HERC4: variants seen among roughly 807,000 people sequenced by gnomAD.
The protein encoded by HERC4 is HECT and RLD domain containing E3 ubiquitin protein ligase 4, also known as probable E3 ubiquitin-protein ligase HERC4.
In HERC4, 28 loss-of-function variants were observed where a neutral mutation model predicts 124.3. That is an observed-to-expected ratio of 0.23 (90% CI 0.17 to 0.31). The LOEUF is 0.31. Among genes scored for constraint, HERC4 ranks in the 10% least tolerant of loss-of-function variants. The pLI, the probability that HERC4 is intolerant of heterozygous loss-of-function variation, is 1.00. For synonymous variants in HERC4, 407 were observed against 421.5 expected, an observed-to-expected ratio of 0.97 and a Z score of 0.42; for missense variants, 713 against 1,229.3, an observed-to-expected ratio of 0.58 and a Z score of 6.28.
At chr10:68,044,263 A>G in intron 4 of HERC4, 141 bp downstream of exon 4, 2 of 685,528 alleles carry the variant, frequency 2.9e-6, no homozygotes, top group South Asian at 2.6e-5. Context: ...ATAAGCAAGA[A>G]CCAAACTCTT....
At chr10:67,998,795 A>G (rs2037056349) in intron 9 of HERC4, among the ~76,000 whole-genome samples, 1 of 151,920 alleles carries the variant, frequency 6.6e-6, no homozygotes, top group Non-Finnish European at 1.5e-5. Context: ...CTTAAGTGCA[A>G]TGGTGCAATC....
chr10:67,993,242 G>A (rs992901259), intron 9 of HERC4: 3 of 152,324 alleles, frequency 2.0e-5, no homozygotes, highest in African/African-American at 4.8e-5. Context: ...CTACTTGGGA[G>A]GCTGAGACAG....
At chr10:68,006,501 AG>A (rs2037573693) in intron 9 of HERC4, among the ~76,000 whole-genome samples, 1 of 151,368 alleles carries the variant, frequency 6.6e-6, no homozygotes, top group Non-Finnish European at 1.5e-5. Flanking sequence ...CCTCCTGAGT[AG>A]CTGGGATTAC....
At chr10:67,979,163 G>A (rs2035779984) in intron 15 of HERC4, among the ~76,000 whole-genome samples, 1 of 151,886 alleles carries the variant, frequency 6.6e-6, no homozygotes, top group African/African-American at 2.4e-5. Flanking sequence ...GACAAATCTT[G>A]GAGAAAAAGA....
At chr10:68,037,662 G>A (rs893743849) in intron 5 of HERC4, among the ~76,000 whole-genome samples, 3 of 152,126 alleles carry the variant, frequency 2.0e-5, no homozygotes, top group Non-Finnish European at 4.4e-5. Context: ...TCAATTTCAT[G>A]TCTATATAAT....
At chr10:68,026,793 A>C (rs1157687870) in intron 7 of HERC4, among the ~76,000 whole-genome samples, 1 of 151,964 alleles carries the variant, frequency 6.6e-6, no homozygotes, top group Non-Finnish European at 1.5e-5. Context: ...CAGTGAGCCG[A>C]GATCACGCCA....
At chr10:68,009,340 C>T (rs2037789034) in intron 9 of HERC4, among the ~76,000 whole-genome samples, 1 of 151,990 alleles carries the variant, frequency 6.6e-6, no homozygotes, top group African/African-American at 2.4e-5. Context: ...GTCCCAAACT[C>T]CTGGCCTCAA....
At chr10:67,940,421 GTCTT>G (rs978992916) in intron 20 of HERC4, among the ~76,000 whole-genome samples, 10 of 150,636 alleles carry the variant, frequency 6.6e-5, no homozygotes, top group African/African-American at 2.0e-4. Context: ...TAAAAATTTA[GTCTT>G]TCTTTTTTTT....
intron 16 of HERC4, chr10:67,961,035 C>G (rs1338489671): frequency 6.8e-6 from 2 of 292,144 alleles, no homozygotes; most frequent in African/African-American, 4.6e-5. Context: ...TGTACCTGAC[C>G]ATTGCGTTTC....
At chr10:68,071,935 C>T (rs1224734550) in intron 3 of HERC4, among the ~76,000 whole-genome samples, 2 of 152,078 alleles carry the variant, frequency 1.3e-5, no homozygotes, top group African/African-American at 2.4e-5. Flanking sequence ...AAGGATGAAT[C>T]GTGCCTTAAT....
chr10:68,000,473 G>T (rs2037160033), intron 9 of HERC4, among the ~76,000 whole-genome samples: 1 of 152,036 alleles, frequency 6.6e-6, no homozygotes, highest in Non-Finnish European at 1.5e-5. Flanking sequence ...CAGCTACTCA[G>T]GAGGCTGAGG....
intron 3 of HERC4, among the ~76,000 whole-genome samples, chr10:68,064,093 A>T (rs2041173142): frequency 6.6e-6 from 1 of 152,010 alleles, no homozygotes; most frequent in Non-Finnish European, 1.5e-5. Flanking sequence ...AAATACAAAA[A>T]TTAGCCAGGG....
chr10:67,963,928 A>C (rs1433473975), intron 16 of HERC4, among the ~76,000 whole-genome samples: 1 of 152,208 alleles, frequency 6.6e-6, no homozygotes, highest in East Asian at 1.9e-4. Flanking sequence ...TAAATCCTTA[A>C]GAAATATGTT....
At position 67,922,700 on chromosome 10, in the gene HERC4, G is replaced by A. The variant is rs924275144; in HGVS notation, c.*231C>T. 3 of 310,646 alleles carry A rather than the reference G, an allele frequency of 9.7e-6. No individual in the cohort carries two copies. Among genetic ancestry groups the A allele is most frequent in the South Asian group, 1.8e-4 (2 of 11,262 alleles). 19.2% of individuals were successfully genotyped at this position (310,646 alleles called of 1,614,324 possible). A position where few individuals can be genotyped will look rare whatever the true frequency, so the allele number is the denominator to read the frequency against. ...AAACTTTAATGTATTCATAATACTT[G>A]CTATGTTTATTAGAAGATGGTCAAA... On this transcript the variant is annotated 3_prime_UTR_variant, in exon 25 of 25. Coordinates refer to ENST00000373700, the MANE Select transcript of HERC4 (RefSeq NM_015601.4).
chr10:67,969,639 G>A (rs2035109760), intron 15 of HERC4, among the ~76,000 whole-genome samples: 1 of 152,168 alleles, frequency 6.6e-6, no homozygotes, highest in Non-Finnish European at 1.5e-5. Flanking sequence ...ATGTCTTGTT[G>A]CTGAGGGAGG....
Position 67,936,203 on chromosome 10 carries a change from C to T in HERC4, c.2604G>A (p.Val868=). The part of the protein sequence containing the change: ...ITVENFGATE[V]KELVLNGADT... Reference sequence around the variant, plus strand: ...CTGCACCATTTAGAACCAGCTCTTTCACTTCTGTTGCACCAAAGTTTTCAA... The same window carrying T: ...CTGCACCATTTAGAACCAGCTCTTTTACTTCTGTTGCACCAAAGTTTTCAA... Residue 868 remains valine, a synonymous_variant, in exon 22 of 25, where the codon GTG becomes GTA. Coordinates refer to ENST00000373700, the MANE Select transcript of HERC4 (RefSeq NM_015601.4). 6.2e-7 allele frequency: 1 copy of T among 1,602,614 alleles called. No individual in the cohort carries two copies. The highest frequency in any genetic ancestry group is 8.5e-7 in the Non-Finnish European group (1 of 1,175,904).
At chr10:68,069,174 T>C in intron 3 of HERC4, 5 of 963,250 alleles carry the variant, frequency 5.2e-6, no homozygotes, top group Non-Finnish European at 6.2e-6. Context: ...AAAAGTATAC[T>C]TCCCATACTT....
intron 3 of HERC4, among the ~76,000 whole-genome samples, chr10:68,053,204 G>A (rs1475252161): frequency 1.1e-4 from 16 of 152,096 alleles, no homozygotes. Flanking sequence ...TAAGGTTCCT[G>A]CAAGCCTCTG....
rs878964640 is a variant in HERC4 at position 68,010,869 on chromosome 10, G to A, written c.1069+3157C>T. On this transcript the variant is annotated intron_variant, in intron 9 of 24. Transcript: ENST00000373700. ...AGTTCTTTCTGCAGAGCTTTGAGATGTCCTGGGACTGGATGAAGGGTATTT... is the reference window on the plus strand; with the variant it reads ...AGTTCTTTCTGCAGAGCTTTGAGATATCCTGGGACTGGATGAAGGGTATTT... 3.0e-5 allele frequency: 45 copies of A among 1,501,258 alleles called. 1 individual carries two copies. In the South Asian group the frequency reaches 5.2e-4, roughly 17 times the overall value. 93.0% of individuals were successfully genotyped at this position (1,501,258 alleles called of 1,614,324 possible).
Sources: allele counts gnomAD v4.1 joint callset (sites outside exome capture counted in the v4.1 genomes callset), GRCh38; gene constraint gnomAD v4.1.1; transcripts MANE v1.5; gene names NCBI Gene and HGNC (gene_info 2026-07-23, HGNC 2026-07-21).